The following METTL15 variants were observed in gnomAD, a reference collection of about 807,000 sequenced individuals.
METTL15 encodes the protein 12S rRNA N(4)-cytidine methyltransferase METTL15.
METTL15 carries 34 observed loss-of-function variants against 38.3 expected under a neutral mutation model. The observed-to-expected ratio is 0.89, with a 90% CI of 0.68 to 1.18. The LOEUF (loss-of-function observed/expected upper bound fraction) is 1.18. Among genes scored for constraint, METTL15 ranks in the 50% most tolerant of loss-of-function variants. The pLI, the probability that METTL15 is intolerant of heterozygous loss-of-function variation, is 0.00. For synonymous variants in METTL15, 162 were observed against 170.9 expected (o/e 0.95, Z 0.41); for missense variants, 438 against 498.4 (o/e 0.88, Z 1.15).
chr11:28,430,934 C>T (rs1338846961), intron 6 of METTL15, among the ~76,000 whole-genome samples: 7 of 112,786 alleles, frequency 6.2e-5, no homozygotes, highest in Non-Finnish European at 1.2e-4. Context: ...GCCAGCCGCC[C>T]CGTCCGGGAG....
rs774961066 is a variant in METTL15, at chr11:28,383,471, G to A, written c.*358+21435G>A. ...TGGTAGAATAGTTTATATTCCTTTG[G>A]GTATATAACCAATAATAGTATTGCT... On this transcript the variant is annotated intron_variant and NMD_transcript_variant, in intron 5 of 7. Coordinates refer to the METTL15 transcript ENST00000532947. Among the ~76,000 whole-genome samples, 7 of 152,046 alleles carry A rather than the reference G, an allele frequency of 4.6e-5. No individual in the cohort carries two copies. In the South Asian group the frequency reaches 1.3e-3, roughly 27 times the overall value.
intron 4 of METTL15, among the ~76,000 whole-genome samples, chr11:28,254,254 A>T (rs1854876102): frequency 6.6e-6 from 1 of 151,974 alleles, no homozygotes; most frequent in South Asian, 2.1e-4. Context: ...CTTTTTATAT[A>T]CCTGTTTGCT....
intron 3 of METTL15, among the ~76,000 whole-genome samples, chr11:28,203,006 A>G (rs181759353): frequency 1.6e-4 from 25 of 152,216 alleles, no homozygotes. Flanking sequence ...TCTCTGCAAG[A>G]TGATCTTGGG....
At chr11:28,483,156 T>C (rs1851410723) in intron 6 of METTL15, among the ~76,000 whole-genome samples, 1 of 152,138 alleles carries the variant, frequency 6.6e-6, no homozygotes, top group South Asian at 2.1e-4. Flanking sequence ...GCTGCAGCAA[T>C]GCATTGGGCA....
chr11:28,161,134 G>GT (rs1850448545), intron 3 of METTL15, among the ~76,000 whole-genome samples: 1 of 95,224 alleles, frequency 1.1e-5, no homozygotes, highest in African/African-American at 3.5e-5. Context: ...TTTGTTTTTT[G>GT]TTTTTTGAGA....
intron 6 of METTL15, among the ~76,000 whole-genome samples, chr11:28,314,147 A>G (rs1387961700): frequency 6.6e-6 from 1 of 152,230 alleles, no homozygotes; most frequent in Non-Finnish European, 1.5e-5. Flanking sequence ...GTAATCTTTA[A>G]TTCAGTCAGT....
chr11:28,365,912 G>A (rs6484367), intron 5 of METTL15, among the ~76,000 whole-genome samples: 86,245 of 151,760 alleles, frequency 0.57, 25,594 homozygotes, highest in East Asian at 0.74. Context: ...TTAGTCGGGC[G>A]TGGTGGCAGG....
intron 6 of METTL15, among the ~76,000 whole-genome samples, chr11:28,425,207 C>T (rs1361333532): frequency 1.3e-5 from 2 of 152,164 alleles, no homozygotes; most frequent in Non-Finnish European, 2.9e-5. Flanking sequence ...GTCCATCAAT[C>T]CATCCCTCCA....
intron 5 of METTL15, among the ~76,000 whole-genome samples, chr11:28,412,439 C>G (rs930912339): frequency 2.7e-5 from 4 of 150,028 alleles, no homozygotes; most frequent in African/African-American, 9.8e-5. Flanking sequence ...GAGAAAGAGA[C>G]CAAACGAGAG....
At chr11:28,112,170 T>C (rs1162161498) in intron 2 of METTL15, among the ~76,000 whole-genome samples, 1 of 152,220 alleles carries the variant, frequency 6.6e-6, no homozygotes, top group Admixed American at 6.5e-5. Flanking sequence ...TTAAGTGGGA[T>C]TTATGCTTCT....
At chr11:28,384,105 C>T (rs1850416081) in intron 5 of METTL15, among the ~76,000 whole-genome samples, 1 of 152,056 alleles carries the variant, frequency 6.6e-6, no homozygotes, top group Non-Finnish European at 1.5e-5. Context: ...ATAATGACTT[C>T]CAGCTCCATC....
intron 4 of METTL15, among the ~76,000 whole-genome samples, chr11:28,224,658 G>A (rs1194672453): frequency 6.6e-6 from 1 of 151,550 alleles, no homozygotes; most frequent in Non-Finnish European, 1.5e-5. Flanking sequence ...TGGTTGTAGG[G>A]TATTTTTATC....
At chr11:28,378,513 C>T (rs967609031) in intron 5 of METTL15, among the ~76,000 whole-genome samples, 19 of 152,244 alleles carry the variant, frequency 1.2e-4, no homozygotes, top group Non-Finnish European at 2.1e-4. Flanking sequence ...CCTGCTTCGG[C>T]TCGTGCACGG....
chr11:28,402,218 A>G (rs1850636601), intron 5 of METTL15, among the ~76,000 whole-genome samples: 1 of 151,958 alleles, frequency 6.6e-6, no homozygotes, highest in Non-Finnish European at 1.5e-5. Flanking sequence ...ACCAGTGGCA[A>G]CAAGTCAATC....
intron 4 of METTL15, among the ~76,000 whole-genome samples, chr11:28,262,100 A>C (rs1300279275): frequency 6.6e-6 from 1 of 152,158 alleles, no homozygotes; most frequent in Non-Finnish European, 1.5e-5. Context: ...ATAAGAGAGC[A>C]GATTTAATAC....
chr11:28,211,293 A>C (rs1852631417), intron 4 of METTL15, 95 bp downstream of exon 4: 1 of 1,105,418 alleles, frequency 9.0e-7, no homozygotes, highest in African/African-American at 1.6e-5. Flanking sequence ...TGCATGGGCT[A>C]TATTTTACTC....
intron 6 of METTL15, among the ~76,000 whole-genome samples, chr11:28,310,000 G>A (rs188585248): frequency 2.5e-4 from 38 of 152,074 alleles, no homozygotes; most frequent in African/African-American, 8.0e-4. Flanking sequence ...CACATATTTT[G>A]GAGTTTCTAC....
At chr11:28,283,305 T>C (rs980050370) in intron 4 of METTL15, among the ~76,000 whole-genome samples, 1 of 152,188 alleles carries the variant, frequency 6.6e-6, no homozygotes, top group African/African-American at 2.4e-5. Context: ...AAATTATTTA[T>C]TCCTGGACAG....
chr11:28,212,452 G>A (rs577226234), intron 4 of METTL15, among the ~76,000 whole-genome samples: 55 of 152,086 alleles, frequency 3.6e-4, no homozygotes, highest in Non-Finnish European at 6.2e-4. Flanking sequence ...AGTTCACTTG[G>A]TTATGATGTG....
Sources: gnomAD v4.1 joint callset for allele counts (sites outside exome capture counted in the v4.1 genomes callset) on GRCh38, gnomAD v4.1.1 for gene constraint, MANE v1.5 for transcripts, NCBI Gene and HGNC (gene_info 2026-07-23, HGNC 2026-07-21) for gene names.